The following HFM1 variants were observed in gnomAD, a reference collection of about 807,000 sequenced individuals.
HFM1 encodes probable ATP-dependent DNA helicase HFM1.
In HFM1, 169 loss-of-function variants were observed where a neutral mutation model predicts 192.1. The observed-to-expected ratio is 0.88, with a 90% CI of 0.78 to 1.00. HFM1 has a LOEUF of 1.00. HFM1 is among the 50% of genes least tolerant of loss of function. The pLI is 0.00. For synonymous variants in HFM1, 525 were observed against 537.8 expected, an observed-to-expected ratio of 0.98 and a Z score of 0.33; for missense variants, 1,661 against 1,668.0, an observed-to-expected ratio of 1.00 and a Z score of 0.07.
chr1:91,359,472 A>G (rs1367192542), intron 13 of HFM1, among the ~76,000 whole-genome samples: 4 of 152,132 alleles, frequency 2.6e-5, no homozygotes, highest in Admixed American at 6.6e-5. Flanking sequence ...GCAAGTATCA[A>G]TAACAGAATA....
At chr1:91,262,670 G>C in intron 36 of HFM1, 78 bp from the exon 37 acceptor site, 2 of 848,338 alleles carry the variant, frequency 2.4e-6, no homozygotes, top group East Asian at 2.7e-5. Context: ...ATGATTTTTG[G>C]GGAATATGAT....
At chr1:91,396,507 A>G in intron 2 of HFM1, 102 bp from the exon 3 acceptor site, 1 of 602,096 alleles carries the variant, frequency 1.7e-6, no homozygotes. Flanking sequence ...TAAACATTCT[A>G]TAAATTAACT....
chr1:91,358,949 A>G (rs997709086), intron 13 of HFM1, among the ~76,000 whole-genome samples: 14 of 152,200 alleles, frequency 9.2e-5, no homozygotes, highest in East Asian at 1.9e-4. Context: ...TTCACTGGTG[A>G]TATTTCCAGG....
chr1:91,298,918 G>A (rs1336242177), intron 30 of HFM1, among the ~76,000 whole-genome samples: 2 of 152,130 alleles, frequency 1.3e-5, no homozygotes, highest in African/African-American at 4.8e-5. Flanking sequence ...ATAATGACAG[G>A]ATCAAATTCA....
intron 23 of HFM1, among the ~76,000 whole-genome samples, chr1:91,322,586 GTC>G (rs1652289206): frequency 1.3e-5 from 2 of 151,956 alleles, no homozygotes; most frequent in Non-Finnish European, 2.9e-5. Flanking sequence ...TTTACTCTTT[GTC>G]TCTCCCAGAA....
chr1:91,385,109 C>T (rs878911693), intron 6 of HFM1, 78 bp downstream of exon 6: 2 of 917,238 alleles, frequency 2.2e-6, no homozygotes, highest in South Asian at 3.2e-5. Context: ...CCAAAATAAA[C>T]AAACACAATT....
chr1:91,346,564 A>G (rs1004271430), intron 19 of HFM1, among the ~76,000 whole-genome samples: 1 of 152,252 alleles, frequency 6.6e-6, no homozygotes, highest in African/African-American at 2.4e-5. Flanking sequence ...AGTAGAGAAT[A>G]AATTTAAATT....
At chr1:91,395,117 TATTAC>T (rs1474891635) in intron 3 of HFM1, among the ~76,000 whole-genome samples, 1 of 152,158 alleles carries the variant, frequency 6.6e-6, no homozygotes, top group Admixed American at 6.5e-5. Context: ...ATTTTACTAA[TATTAC>T]ATTAGGTCAC....
intron 19 of HFM1, among the ~76,000 whole-genome samples, chr1:91,346,597 TA>T (rs1656175402): frequency 6.6e-6 from 1 of 152,230 alleles, no homozygotes; most frequent in Admixed American, 6.5e-5. Flanking sequence ...TTAGAGGACC[TA>T]ACATATTTTC....
At chr1:91,311,241 C>A (rs1650393511) in intron 30 of HFM1, among the ~76,000 whole-genome samples, 1 of 152,124 alleles carries the variant, frequency 6.6e-6, no homozygotes, top group Non-Finnish European at 1.5e-5. Context: ...GAACTTTTAA[C>A]TTGAGAGAGA....
intron 13 of HFM1, among the ~76,000 whole-genome samples, chr1:91,361,200 C>G (rs1489784609): frequency 1.3e-5 from 2 of 151,080 alleles, no homozygotes; most frequent in Non-Finnish European, 2.9e-5. Flanking sequence ...AAGATCAGAG[C>G]TGAACCGAAG....
At chr1:91,405,950 C>T (rs1664786024), upstream of HFM1, among the ~76,000 whole-genome samples, 1 of 152,142 alleles carries the variant, frequency 6.6e-6, no homozygotes, top group Admixed American at 6.5e-5. Context: ...AATAACGAAA[C>T]AGTGCATTTG....
In HFM1 at chr1:91,316,163, A is replaced by AG. The variant is rs866940391; in HGVS notation, c.2919dup (p.Phe974LeufsTer16). On this transcript the variant is annotated frameshift_variant, in exon 27 of 39. Coordinates refer to ENST00000370425, the MANE Select transcript of HFM1 (RefSeq NM_001017975.6). LOFTEE classifies it high-confidence loss of function. ...ACAGTTTCTTTTATCTGGGTTCCAA[A>AG]GGGGGGATGTCTGTTTAAAATCTAA... The AG allele has an allele frequency of 1.9e-6, 3 of 1,586,672 alleles. No homozygotes were observed.
intron 30 of HFM1, among the ~76,000 whole-genome samples, chr1:91,294,043 C>G (rs1669102658): frequency 8.9e-6 from 1 of 112,624 alleles, no homozygotes; most frequent in South Asian, 2.8e-4. Context: ...ACTCTGGGGA[C>G]TGTGGTGGGG....
intron 9 of HFM1, 117 bp from the exon 10 acceptor site, chr1:91,378,597 A>G: frequency 1.7e-6 from 1 of 588,092 alleles, no homozygotes; most frequent in Non-Finnish European, 3.0e-6. Context: ...ATTTTGGTTG[A>G]TCCCTTAAGA....
chr1:91,309,990 T>C (rs1287420618), intron 30 of HFM1, among the ~76,000 whole-genome samples: 2 of 151,838 alleles, frequency 1.3e-5, no homozygotes, highest in East Asian at 3.9e-4. Flanking sequence ...AAGCTGGAGA[T>C]ATACGAGATA....
chr1:91,379,516 G>GT (rs1442528956), intron 8 of HFM1, among the ~76,000 whole-genome samples: 16 of 152,026 alleles, frequency 1.1e-4, no homozygotes, highest in African/African-American at 3.9e-4. Context: ...CAAATTTGTC[G>GT]TAAGTTTACA....
At chr1:91,360,762 G>T (rs1253096658) in intron 13 of HFM1, among the ~76,000 whole-genome samples, 4 of 152,002 alleles carry the variant, frequency 2.6e-5, no homozygotes, top group Non-Finnish European at 5.9e-5. Context: ...TAGCTACATG[G>T]CATGTACTCT....
rs1354713220 is a variant in HFM1 at position 91,379,115 on chromosome 1, ACT to A, written c.1104_1105del (p.Val369AsnfsTer3). 1 of 1,605,420 alleles carries A rather than the reference ACT, an allele frequency of 6.2e-7. No individual in the cohort carries two copies. The highest frequency in any genetic ancestry group is 1.1e-5 in the South Asian group (1 of 90,020). ...CTGAATCTCAAATAGATCATCCATT[ACT>A]GTATCTCCAGTAAGTTCTTTACAAT... On this transcript the variant is annotated frameshift_variant, in exon 9 of 39. Coordinates refer to ENST00000370425, the MANE Select transcript of HFM1 (RefSeq NM_001017975.6). LOFTEE classifies it high-confidence loss of function.
Sources: allele counts gnomAD v4.1 joint callset (sites outside exome capture counted in the v4.1 genomes callset), GRCh38; gene constraint gnomAD v4.1.1; transcripts MANE v1.5; gene names NCBI Gene and HGNC (gene_info 2026-07-23, HGNC 2026-07-21).